Variants in PCDH11X observed in about 807,000 individuals in gnomAD.
The protein encoded by PCDH11X is protocadherin 11 X-linked, also known as protocadherin-11 X-linked.
Under a neutral mutation model 53.3 loss-of-function variants are expected in PCDH11X, and 18 were observed. That is an observed-to-expected ratio of 0.34 (90% CI 0.23 to 0.50). PCDH11X has a LOEUF of 0.50. Among genes scored for constraint, PCDH11X ranks in the 20% least tolerant of loss-of-function variants. The pLI is 0.98. For missense variants in PCDH11X, 570 were observed against 1,032.4 expected, an observed-to-expected ratio of 0.55 and a Z score of 6.14; for synonymous variants, 279 against 393.3, an observed-to-expected ratio of 0.71 and a Z score of 3.44.
chrX:92,288,475 G>A (rs1238931735), intron 8 of PCDH11X, among the ~76,000 whole-genome samples: 23 of 107,110 alleles, frequency 2.1e-4, no homozygotes, highest in Non-Finnish European at 3.3e-4. Context: ...GGGTTCAAGC[G>A]ATTCTCCTGC....
chrX:92,074,577 T>A (rs950505478), intron 6 of PCDH11X, among the ~76,000 whole-genome samples: 5 of 111,844 alleles, frequency 4.5e-5, no homozygotes, highest in African/African-American at 1.3e-4. Context: ...TGAAAAAAAA[T>A]TTGTTCTATT....
At chrX:92,191,448 G>A (rs1393352330) in intron 6 of PCDH11X, among the ~76,000 whole-genome samples, 1 of 112,127 alleles carries the variant, frequency 8.9e-6, no homozygotes, top group Non-Finnish European at 1.9e-5. Flanking sequence ...ATTCCTAGAA[G>A]GATCTCTTGA....
chrX:92,083,817 A>G (rs1412145670), intron 6 of PCDH11X, among the ~76,000 whole-genome samples: 1 of 111,478 alleles, frequency 9.0e-6, no homozygotes, highest in Admixed American at 9.6e-5. Context: ...AGAGCCAGGC[A>G]CGGTGGCTCT....
chrX:92,444,121 C>T (rs1297046798), intron 9 of PCDH11X, among the ~76,000 whole-genome samples: 1 of 110,006 alleles, frequency 9.1e-6, no homozygotes, highest in Non-Finnish European at 1.9e-5. Flanking sequence ...TTGCTTTGGG[C>T]AGTATGGCCA....
chrX:92,331,319 C>CTTCTTCTTCTTCTTCTTCTTCT (rs1369843764), intron 8 of PCDH11X, among the ~76,000 whole-genome samples: 28 of 28,737 alleles, frequency 9.7e-4, no homozygotes, highest in African/African-American at 2.6e-3. Flanking sequence ...CTTCTTCTTC[C>CTTCTTCTTCTTCTTCTTCTTCT]TCTTCTTCTT....
chrX:92,331,318 CCTCT>C, intron 8 of PCDH11X, among the ~76,000 whole-genome samples: 1 of 92,626 alleles, frequency 1.1e-5, no homozygotes, highest in African/African-American at 4.1e-5. Flanking sequence ...TCTTCTTCTT[CCTCT>C]TCTTCTTCTT....
At chrX:92,547,413 G>T (rs1015406858) in intron 10 of PCDH11X, among the ~76,000 whole-genome samples, 1 of 108,184 alleles carries the variant, frequency 9.2e-6, no homozygotes, top group African/African-American at 3.4e-5. Context: ...AGATGCTATC[G>T]AAATGCAGAT....
At chrX:92,001,389 T>C (rs1373290556) in intron 6 of PCDH11X, among the ~76,000 whole-genome samples, 2 of 111,261 alleles carry the variant, frequency 1.8e-5, no homozygotes. Flanking sequence ...TTGAGAAATG[T>C]CTATTCAAAT....
chrX:92,209,094 C>G (rs1224960384), intron 7 of PCDH11X, among the ~76,000 whole-genome samples: 2 of 111,426 alleles, frequency 1.8e-5, no homozygotes, highest in East Asian at 5.7e-4. Context: ...TACAATTAAA[C>G]ATGAGATTTG....
At chrX:92,128,146 T>C (rs1354351881) in intron 6 of PCDH11X, among the ~76,000 whole-genome samples, 1 of 111,738 alleles carries the variant, frequency 8.9e-6, no homozygotes, top group Non-Finnish European at 1.9e-5. Flanking sequence ...GTGGAAGCAA[T>C]TTGAAATACT....
intron 7 of PCDH11X, among the ~76,000 whole-genome samples, chrX:92,240,938 G>A (rs2067253045): frequency 9.1e-6 from 1 of 110,165 alleles, no homozygotes; most frequent in East Asian, 2.9e-4. Flanking sequence ...GTTTAATGCT[G>A]GCCTGGGTTC....
At chrX:92,215,813 G>C (rs1019718733) in intron 7 of PCDH11X, among the ~76,000 whole-genome samples, 4 of 106,230 alleles carry the variant, frequency 3.8e-5, no homozygotes, top group African/African-American at 1.4e-4. Flanking sequence ...CCCAGTAGGG[G>C]CAGACTGACA....
chrX:91,875,185 A>G (rs2147723369), intron 5 of PCDH11X, among the ~76,000 whole-genome samples: 1 of 110,049 alleles, frequency 9.1e-6, no homozygotes, highest in South Asian at 3.9e-4. Context: ...GTAACACTGG[A>G]CAGGAATCTT....
At chrX:91,966,601 A>ATACC (rs1357381823) in intron 6 of PCDH11X, among the ~76,000 whole-genome samples, 8 of 110,507 alleles carry the variant, frequency 7.2e-5, no homozygotes, top group Admixed American at 9.7e-5. Flanking sequence ...CCTATGTAAC[A>ATACC]TACCTGCACG....
At chrX:92,185,816 A>G (rs150284107) in intron 6 of PCDH11X, among the ~76,000 whole-genome samples, 1,787 of 109,657 alleles carry the variant, frequency 0.016, 41 homozygotes, top group African/African-American at 0.058. Context: ...TAAATAGAAT[A>G]CCTATTAAAA....
At position 92,013,218 on chromosome X, in the gene PCDH11X, A is replaced by C. The variant is rs778494931; in HGVS notation, c.3033+133945A>C. Among the ~76,000 whole-genome samples the C allele has an allele frequency of 1.9e-3, 208 of 111,922 alleles. 1 individual carries two copies. The highest frequency in any genetic ancestry group is 6.3e-3 in the African/African-American group (195 of 30,858). ...ACAAAATCAATGTGCAAAAATCACA[A>C]GCATTCTTATACACCAATAACAGAC... On this transcript the variant is annotated intron_variant, in intron 6 of 10. Coordinates refer to ENST00000682573, the MANE Select transcript of PCDH11X (RefSeq NM_032968.5).
At chrX:92,181,815 G>A (rs1490480628) in intron 6 of PCDH11X, among the ~76,000 whole-genome samples, 3 of 112,651 alleles carry the variant, frequency 2.7e-5, no homozygotes, top group Non-Finnish European at 5.6e-5. Context: ...AGGTTTCAGA[G>A]GATGTATGGA....
At chrX:92,591,613 C>T (rs975455444) in intron 10 of PCDH11X, among the ~76,000 whole-genome samples, 4 of 111,501 alleles carry the variant, frequency 3.6e-5, no homozygotes, top group South Asian at 3.9e-4. Context: ...TCTTGCTTTA[C>T]GTCCTTGAGA....
chrX:92,246,441 C>T (rs1454331365), intron 7 of PCDH11X, among the ~76,000 whole-genome samples: 4 of 111,370 alleles, frequency 3.6e-5, no homozygotes, highest in Non-Finnish European at 7.5e-5. Context: ...CCACCTCCAC[C>T]TCCCGGGTTC....
Sources: allele counts gnomAD v4.1 joint callset (sites outside exome capture counted in the v4.1 genomes callset), GRCh38; gene constraint gnomAD v4.1.1; transcripts MANE v1.5; gene names NCBI Gene and HGNC (gene_info 2026-07-23, HGNC 2026-07-21).